MGAT4C: variants seen among roughly 807,000 people sequenced by gnomAD.
MGAT4C encodes MGAT4 family member C, also known as alpha-1,3-mannosyl-glycoprotein 4-beta-N-acetylglucosaminyltransferase C.
A neutral mutation model predicts 40.1 loss-of-function variants in MGAT4C; 19 were observed. That is an observed-to-expected ratio of 0.47 (90% CI 0.33 to 0.70). The LOEUF (loss-of-function observed/expected upper bound fraction) is 0.70. MGAT4C is among the 30% of genes least tolerant of loss of function. The pLI, the probability that MGAT4C is intolerant of heterozygous loss-of-function variation, is 0.02. For missense variants in MGAT4C, 491 were observed against 563.2 expected (o/e 0.87, Z 1.30); for synonymous variants, 181 against 187.1 (o/e 0.97, Z 0.27).
intron 2 of MGAT4C, among the ~76,000 whole-genome samples, chr12:86,700,399 A>G (rs538324354): frequency 9.9e-5 from 15 of 152,164 alleles, no homozygotes; most frequent in Admixed American, 3.3e-4. Flanking sequence ...CACAAATATT[A>G]CTACCTGCCC....
intron 1 of MGAT4C, among the ~76,000 whole-genome samples, chr12:86,184,099 A>T (rs1034076565): frequency 4.6e-5 from 7 of 152,132 alleles, no homozygotes; most frequent in Admixed American, 1.3e-4. Context: ...TCACTAATCA[A>T]TTTTTATTAG....
chr12:86,046,612 C>T (rs1284927711), intron 2 of MGAT4C, among the ~76,000 whole-genome samples: 1 of 152,146 alleles, frequency 6.6e-6, no homozygotes, highest in Non-Finnish European at 1.5e-5. Context: ...ACTCATGGGG[C>T]AAACTGTTGT....
chr12:86,363,337 G>A (rs1005540894), intron 3 of MGAT4C, among the ~76,000 whole-genome samples: 114 of 152,078 alleles, frequency 7.5e-4, no homozygotes, highest in African/African-American at 2.6e-3. Context: ...AAAGTATTTG[G>A]AAATTAAACA....
At chr12:86,573,166 A>C (rs554331051) in intron 2 of MGAT4C, among the ~76,000 whole-genome samples, 77 of 152,000 alleles carry the variant, frequency 5.1e-4, no homozygotes, top group African/African-American at 1.7e-3. Context: ...TGTATAAAGA[A>C]AACAACATAA....
intron 1 of MGAT4C, among the ~76,000 whole-genome samples, chr12:86,112,159 A>G (rs1283632322): frequency 6.6e-6 from 1 of 151,782 alleles, no homozygotes; most frequent in Non-Finnish European, 1.5e-5. Flanking sequence ...ATCAGGAATA[A>G]TAGTTATTGA....
intron 2 of MGAT4C, among the ~76,000 whole-genome samples, chr12:86,009,373 C>G (rs1888224392): frequency 6.6e-6 from 1 of 151,958 alleles, no homozygotes; most frequent in South Asian, 2.1e-4. Context: ...TAAAATAATC[C>G]CTTTCTCTCT....
At chr12:86,510,614 A>C (rs376778023) in intron 2 of MGAT4C, among the ~76,000 whole-genome samples, 2,130 of 152,212 alleles carry the variant, frequency 0.014, 15 homozygotes, top group African/African-American at 0.021. Flanking sequence ...TGCAGAGACA[A>C]ACATAGGCTC....
At chr12:86,072,145 C>A (rs774016262) in intron 1 of MGAT4C, among the ~76,000 whole-genome samples, 1 of 151,504 alleles carries the variant, frequency 6.6e-6, no homozygotes, top group Non-Finnish European at 1.5e-5. Context: ...CATGATTATT[C>A]CTCTTTTACA....
intron 1 of MGAT4C, among the ~76,000 whole-genome samples, chr12:86,212,910 A>C (rs1329028206): frequency 6.8e-5 from 10 of 147,080 alleles, no homozygotes; most frequent in Non-Finnish European, 1.1e-4. Context: ...AAAAAAAAAA[A>C]AAAAAAAAAA....
intron 2 of MGAT4C, among the ~76,000 whole-genome samples, chr12:86,540,317 C>G (rs762182464): frequency 1.4e-4 from 22 of 152,084 alleles, no homozygotes; most frequent in Non-Finnish European, 2.4e-4. Context: ...TGAGGATTCC[C>G]AAAAACAACT....
intron 2 of MGAT4C, among the ~76,000 whole-genome samples, chr12:86,510,309 C>G (rs1019880682): frequency 6.6e-6 from 1 of 152,060 alleles, no homozygotes; most frequent in African/African-American, 2.4e-5. Flanking sequence ...TTGTCACCAA[C>G]AGGCCTGCTC....
intron 3 of MGAT4C, among the ~76,000 whole-genome samples, chr12:86,376,070 C>A (rs1272293462): frequency 1.3e-5 from 2 of 151,878 alleles, no homozygotes; most frequent in Non-Finnish European, 2.9e-5. Context: ...ACATTACACT[C>A]AAATTTGCAA....
At chr12:85,989,337 G>T in intron 3 of MGAT4C, 63 bp downstream of exon 3, 1 of 1,426,524 alleles carries the variant, frequency 7.0e-7, no homozygotes, top group Non-Finnish European at 9.4e-7. Context: ...GCTACAATGG[G>T]ACTAATTCTT....
At chr12:86,084,054 T>C (rs1398241599) in intron 1 of MGAT4C, among the ~76,000 whole-genome samples, 9 of 148,554 alleles carry the variant, frequency 6.1e-5, no homozygotes, top group Non-Finnish European at 7.5e-5. Flanking sequence ...GGTGATTTTT[T>C]CATTCAACAA....
At chr12:86,066,705 C>T (rs938701718) in intron 1 of MGAT4C, among the ~76,000 whole-genome samples, 1 of 152,230 alleles carries the variant, frequency 6.6e-6, no homozygotes, top group Non-Finnish European at 1.5e-5. Flanking sequence ...TCAAAATTGA[C>T]AAACGGGATC....
intron 1 of MGAT4C, among the ~76,000 whole-genome samples, chr12:86,096,429 CT>C (rs1873934123): frequency 6.7e-6 from 1 of 149,998 alleles, no homozygotes; most frequent in Non-Finnish European, 1.5e-5. Context: ...CCTTCCCTTC[CT>C]TTTTTTTCTT....
At chr12:86,697,146 A>T (rs777404761) in intron 2 of MGAT4C, among the ~76,000 whole-genome samples, 3 of 152,144 alleles carry the variant, frequency 2.0e-5, no homozygotes, top group African/African-American at 4.8e-5. Context: ...TACATAGGTG[A>T]TTGGTAATCC....
At position 85,965,215 on chromosome 12, in the gene MGAT4C, A is replaced by G. The variant is rs1883296477; in HGVS notation, c.*14074T>C. 6.6e-6 allele frequency: 1 copy of G among 152,278 alleles called. No individual in the cohort carries two copies. Among genetic ancestry groups the G allele is most frequent in the South Asian group, 2.1e-4 (1 of 4,830 alleles). The allele number at this position is 152,278 out of a possible 1,614,324, so 9.4% of individuals were successfully genotyped here. On this transcript the variant is annotated 3_prime_UTR_variant, in exon 5 of 5. Transcript: ENST00000611864. The stretch of plus-strand genomic sequence containing the variant: ...TACATGTGCCATGTTGGTGTTCTGC[A>G]TCTTAAGAGAAGACTATTTATAAAA...
Position 86,804,568 on chromosome 12 carries a change from A to G in MGAT4C, c.-262+34098T>C, listed in dbSNP as rs1333748229. Among the ~76,000 whole-genome samples the G allele has an allele frequency of 2.6e-5, 4 of 151,952 alleles. No homozygotes were observed. The East Asian group carries it at 7.7e-4, about 29-fold the overall frequency. ...TAATTGAAATAAGTCTTTGTCAGTG[A>G]CAAAATATAATACCTCATATGCACA... On this transcript the variant is annotated intron_variant, in intron 1 of 7. Transcript: ENST00000548651.
Sources: allele counts gnomAD v4.1 joint callset (sites outside exome capture counted in the v4.1 genomes callset), GRCh38; gene constraint gnomAD v4.1.1; transcripts MANE v1.5; gene names NCBI Gene and HGNC (gene_info 2026-07-23, HGNC 2026-07-21).